The following TCF12 variants were observed in gnomAD, a reference collection of about 807,000 sequenced individuals.
TCF12 encodes transcription factor 12.
A neutral mutation model predicts 86.0 loss-of-function variants in TCF12; 45 were observed. The ratio of observed to expected loss-of-function variants is 0.52; its 90% confidence interval spans 0.41 to 0.67. TCF12 has a LOEUF of 0.67. TCF12 is among the 30% of genes least tolerant of loss of function. TCF12 has a pLI of 0.00. For missense variants in TCF12, 881 were observed against 859.9 expected (o/e 1.02, Z -0.31); for synonymous variants, 330 against 299.6 (o/e 1.10, Z -1.05).
intron 4 of TCF12, among the ~76,000 whole-genome samples, chr15:57,090,746 G>C (rs1226352638): frequency 2.6e-5 from 4 of 152,114 alleles, no homozygotes. Context: ...AGCCAGGGTA[G>C]TTTTTTCTCT....
chr15:57,207,395 G>A (rs1287189762), intron 8 of TCF12, among the ~76,000 whole-genome samples: 3 of 152,160 alleles, frequency 2.0e-5, no homozygotes, highest in Non-Finnish European at 4.4e-5. Context: ...GGCCGGGCGC[G>A]GTGGCTTAAC....
intron 1 of TCF12, chr15:56,919,634 T>A: frequency 3.3e-6 from 1 of 299,444 alleles, no homozygotes; most frequent in South Asian, 4.7e-5. Flanking sequence ...GCTCGGAAAC[T>A]TGGGGGAGAG....
intron 7 of TCF12, among the ~76,000 whole-genome samples, chr15:57,194,977 A>C (rs1412432330): frequency 6.6e-6 from 1 of 152,114 alleles, no homozygotes; most frequent in African/African-American, 2.4e-5. Context: ...ATCTCGGCTC[A>C]CTGCAACCTC....
chr15:57,261,015 A>G (rs1019647618), intron 16 of TCF12, among the ~76,000 whole-genome samples: 7 of 152,146 alleles, frequency 4.6e-5, no homozygotes, highest in African/African-American at 1.7e-4. Context: ...GAAGTCTGCC[A>G]TAGTTTCTGT....
At chr15:57,014,116 A>G (rs1433741256) in intron 3 of TCF12, among the ~76,000 whole-genome samples, 2 of 152,118 alleles carry the variant, frequency 1.3e-5, no homozygotes, top group African/African-American at 4.8e-5. Flanking sequence ...TCTTGACTAC[A>G]TTGGACCTTT....
intron 5 of TCF12, among the ~76,000 whole-genome samples, chr15:57,100,053 T>C (rs1234212822): frequency 6.6e-6 from 1 of 152,204 alleles, no homozygotes; most frequent in Admixed American, 6.5e-5. Context: ...AGTAGTTATC[T>C]TTATGGATCC....
rs372512858 is a variant in TCF12, at chr15:57,179,509, G to A, written c.391-12649G>A. Among the ~76,000 whole-genome samples the A allele has an allele frequency of 9.2e-5, 14 of 152,040 alleles. No homozygotes were observed. The East Asian group carries it at 1.7e-3, about 19-fold the overall frequency. ...CGTGCCATTGCACTCCATCCTGGGCGACACAGCAAGACTCCATCTCAAAAG... is the reference window on the plus strand; with the variant it reads ...CGTGCCATTGCACTCCATCCTGGGCAACACAGCAAGACTCCATCTCAAAAG... On this transcript the variant is annotated intron_variant, in intron 6 of 20. Transcript: ENST00000333725.
At chr15:57,090,033 A>G (rs1226983357) in intron 4 of TCF12, among the ~76,000 whole-genome samples, 1 of 152,096 alleles carries the variant, frequency 6.6e-6, no homozygotes, top group Non-Finnish European at 1.5e-5. Flanking sequence ...TGGGCAACAT[A>G]GTGAGACCCC....
At chr15:56,979,718 A>G (rs2062793249) in intron 3 of TCF12, among the ~76,000 whole-genome samples, 2 of 152,282 alleles carry the variant, frequency 1.3e-5, no homozygotes, top group Middle Eastern at 3.4e-3. Flanking sequence ...TCTACCTTGT[A>G]TGTTCTTTAT....
At position 57,007,806 on chromosome 15, in the gene TCF12, CTTTCTTTCTTTCTT is replaced by C. The variant is rs1567241878; in HGVS notation, c.149-55928_149-55915del. On this transcript the variant is annotated intron_variant, in intron 3 of 20. Transcript: ENST00000333725. ...TCTTTCTTTCTCTCTTTCTTTCTTT[CTTTCTTTCTTTCTT>C]TTTCTTTCTTTCTTTCTTTCTCTCT... 1.8e-3 allele frequency among the ~76,000 whole-genome samples: 219 copies of C among 120,412 alleles called. 3 individuals carry two copies. Among genetic ancestry groups the C allele is most frequent in the African/African-American group, 6.0e-3 (206 of 34,504 alleles). The allele number at this position is 120,412 out of a possible 152,430, so 79.0% of individuals were successfully genotyped here.
At chr15:57,219,847 T>A (rs1597395870) in intron 8 of TCF12, among the ~76,000 whole-genome samples, 1 of 150,300 alleles carries the variant, frequency 6.7e-6, no homozygotes, top group South Asian at 2.1e-4. Flanking sequence ...CGCCTCAGCC[T>A]CCCGAGTAGC....
chr15:57,122,614 A>G (rs1386491632), intron 5 of TCF12, among the ~76,000 whole-genome samples: 2 of 152,266 alleles, frequency 1.3e-5, no homozygotes, highest in African/African-American at 4.8e-5. Context: ...TGTTCTTAAA[A>G]TACAATGCTG....
chr15:57,235,076 G>C (rs1332059909), intron 12 of TCF12, among the ~76,000 whole-genome samples: 1 of 152,156 alleles, frequency 6.6e-6, no homozygotes, highest in African/African-American at 2.4e-5. Context: ...CTGAATACCA[G>C]CTTCTTGGAA....
At chr15:57,140,682 ATATT>A (rs1567503171) in intron 5 of TCF12, among the ~76,000 whole-genome samples, 1 of 152,196 alleles carries the variant, frequency 6.6e-6, no homozygotes, top group African/African-American at 2.4e-5. Context: ...GCCTTTGTGT[ATATT>A]TATGCATTAA....
chr15:57,274,438 C>T (rs1396213255), intron 19 of TCF12, among the ~76,000 whole-genome samples: 1 of 152,166 alleles, frequency 6.6e-6, no homozygotes, highest in Non-Finnish European at 1.5e-5. Flanking sequence ...CTTGAAATAT[C>T]TGTGGAGTAT....
intron 3 of TCF12, among the ~76,000 whole-genome samples, chr15:57,021,093 TG>T (rs759009192): frequency 6.6e-6 from 1 of 152,200 alleles, no homozygotes; most frequent in Non-Finnish European, 1.5e-5. Flanking sequence ...TCTGTTTCTT[TG>T]GTGTCCCATA....
intron 3 of TCF12, among the ~76,000 whole-genome samples, chr15:56,959,493 C>G (rs563678768): frequency 1.3e-5 from 2 of 152,194 alleles, no homozygotes; most frequent in African/African-American, 2.4e-5. Context: ...AACAAAGTTT[C>G]TCTTTGATGA....
At chr15:57,123,010 A>T (rs565054067) in intron 5 of TCF12, among the ~76,000 whole-genome samples, 2 of 152,366 alleles carry the variant, frequency 1.3e-5, no homozygotes, top group South Asian at 4.1e-4. Flanking sequence ...TGGATGAGAA[A>T]ATCAAACATT....
chr15:57,248,916 C>T (rs1389790500), intron 13 of TCF12, among the ~76,000 whole-genome samples: 1 of 152,156 alleles, frequency 6.6e-6, no homozygotes, highest in Non-Finnish European at 1.5e-5. Context: ...TTTGCAAAAG[C>T]AGATGCATGC....
Sources: allele counts gnomAD v4.1 joint callset (sites outside exome capture counted in the v4.1 genomes callset), GRCh38; gene constraint gnomAD v4.1.1; transcripts MANE v1.5; gene names NCBI Gene and HGNC (gene_info 2026-07-23, HGNC 2026-07-21).